Variants in PRELID3A observed in about 807,000 individuals in gnomAD.
PRELID3A encodes PRELI domain containing protein 3A.
In PRELID3A, 27 loss-of-function variants were observed where a neutral mutation model predicts 23.0. That is an observed-to-expected ratio of 1.17 (90% CI 0.87 to 1.62). PRELID3A has a LOEUF of 1.62. Ranked by LOEUF, PRELID3A falls within the 40% of genes most tolerant of loss-of-function variation. PRELID3A has a pLI of 0.00. For missense variants in PRELID3A, 231 were observed against 231.4 expected (o/e 1.00, Z 0.01); for synonymous variants, 87 against 86.4 (o/e 1.01, Z -0.04).
Position 12,420,513 on chromosome 18 carries a change from C to T in PRELID3A, c.201+20C>T, listed in dbSNP as rs1215462879. On this transcript the variant is annotated intron_variant, in intron 2 of 6. Coordinates refer to ENST00000440960, the MANE Select transcript of PRELID3A (RefSeq NM_001142405.2). ...AGAGCGGTGAGCGGGGCGGGGGCTG[C>T]GGCTCCGAACGCGCCCGACTCCCCC... The T allele has an allele frequency of 9.4e-6, 14 of 1,494,792 alleles. No individual in the cohort carries two copies. The highest frequency in any genetic ancestry group is 3.9e-5 in the South Asian group (3 of 76,746). 92.6% of individuals were successfully genotyped at this position (1,494,792 alleles called of 1,614,324 possible). A position where few individuals can be genotyped will look rare whatever the true frequency, so the allele number is the denominator to read the frequency against.
At chr18:12,418,806 T>C (rs1182190096) in intron 1 of PRELID3A, among the ~76,000 whole-genome samples, 1 of 152,056 alleles carries the variant, frequency 6.6e-6, no homozygotes, top group East Asian at 1.9e-4. Context: ...CCTTCAGACG[T>C]GTGTCTGACC....
intron 3 of PRELID3A, among the ~76,000 whole-genome samples, chr18:12,425,872 T>TGCA (rs2030342260): frequency 6.8e-6 from 1 of 148,134 alleles, no homozygotes; most frequent in Non-Finnish European, 1.5e-5. Context: ...ACCTGGAAGT[T>TGCA]GAGGATGCAG....
chr18:12,423,281 G>A (rs2030249307), intron 3 of PRELID3A, among the ~76,000 whole-genome samples: 1 of 152,192 alleles, frequency 6.6e-6, no homozygotes, highest in East Asian at 1.9e-4. Context: ...CGTGGTAAGA[G>A]GGAGCCACTG....
chr18:12,422,865 C>T (rs1415951749), intron 3 of PRELID3A, among the ~76,000 whole-genome samples: 1 of 152,196 alleles, frequency 6.6e-6, no homozygotes, highest in Non-Finnish European at 1.5e-5. Flanking sequence ...CCTCATCTGG[C>T]CTCACTTTTC....
At chr18:12,417,042 C>T (rs1043100907) in intron 1 of PRELID3A, among the ~76,000 whole-genome samples, 1 of 152,120 alleles carries the variant, frequency 6.6e-6, no homozygotes, top group Non-Finnish European at 1.5e-5. Context: ...TTATGTTTAT[C>T]ATTTTCCTCC....
At chr18:12,411,738 C>T (rs1291424626) in intron 1 of PRELID3A, among the ~76,000 whole-genome samples, 1 of 152,092 alleles carries the variant, frequency 6.6e-6, no homozygotes, top group Non-Finnish European at 1.5e-5. Flanking sequence ...TTGAACATTA[C>T]AGATGAGTTG....
At chr18:12,427,867 C>G (rs532471526) in intron 5 of PRELID3A, among the ~76,000 whole-genome samples, 2 of 152,088 alleles carry the variant, frequency 1.3e-5, no homozygotes, top group African/African-American at 4.8e-5. Flanking sequence ...AGTTACTCTT[C>G]TCAGTAGAGA....
At chr18:12,424,000 C>T (rs2030279045) in intron 3 of PRELID3A, among the ~76,000 whole-genome samples, 1 of 152,206 alleles carries the variant, frequency 6.6e-6, no homozygotes, top group Non-Finnish European at 1.5e-5. Flanking sequence ...GGGTGCATCC[C>T]TGTGTGCTGA....
At chr18:12,427,658 CT>C (rs2030425243) in intron 5 of PRELID3A, among the ~76,000 whole-genome samples, 1 of 151,428 alleles carries the variant, frequency 6.6e-6, no homozygotes, top group Non-Finnish European at 1.5e-5. Flanking sequence ...CACCACTGCA[CT>C]CCAGCCTGGG....
At chr18:12,416,585 GGGATTTAC>G (rs2029958586) in intron 1 of PRELID3A, among the ~76,000 whole-genome samples, 2 of 151,982 alleles carry the variant, frequency 1.3e-5, no homozygotes, top group Admixed American at 1.3e-4. Context: ...CCCAAGTGCT[GGGATTTAC>G]AGGCATGAGC....
chr18:12,420,337 C>G lies in PRELID3A; in HGVS notation c.45C>G (p.Asp15Glu). The G allele has an allele frequency of 6.2e-7, 1 of 1,609,492 alleles. No homozygotes were observed. The highest frequency in any genetic ancestry group is 1.3e-5 in the African/African-American group (1 of 75,020). Reference protein sequence around the residue: ...SSEHVFGHPWDTVIQAAMRKY... With the variant: ...SSEHVFGHPWETVIQAAMRKY... ...GCTCTCCCCGCAGCCACCCGTGGGA[C>G]ACGGTCATCCAGGCGGCCATGCGCA... Residue 15 changes from aspartate to glutamate, a missense_variant, in exon 2 of 7, where the codon GAC (aspartate) becomes GAG (glutamate). Physicochemically the swap from Asp to Glu is conservative, Grantham distance 45 (BLOSUM62 2). Transcript: ENST00000440960.
chr18:12,424,383 G>C (rs1342938062), intron 3 of PRELID3A, among the ~76,000 whole-genome samples: 2 of 152,200 alleles, frequency 1.3e-5, no homozygotes, highest in Non-Finnish European at 2.9e-5. Context: ...CATTTTCTGA[G>C]TCTCACATTT....
intron 3 of PRELID3A, among the ~76,000 whole-genome samples, chr18:12,423,409 C>T (rs11665158): frequency 6.6e-6 from 1 of 151,966 alleles, no homozygotes; most frequent in Non-Finnish European, 1.5e-5. Context: ...ACCAGTAGTC[C>T]GGGCAGGTAA....
intron 1 of PRELID3A, among the ~76,000 whole-genome samples, chr18:12,415,259 TA>T (rs1310711013): frequency 4.2e-4 from 63 of 151,406 alleles, no homozygotes; most frequent in Admixed American, 4.2e-3. Context: ...TTTTAATTTT[TA>T]TTTTTTTGTT....
intron 1 of PRELID3A, among the ~76,000 whole-genome samples, chr18:12,414,604 T>C (rs1160763974): frequency 6.6e-6 from 1 of 152,122 alleles, no homozygotes; most frequent in Non-Finnish European, 1.5e-5. Context: ...CTCATGCCTG[T>C]AGTCCTAGCT....
At chr18:12,419,037 A>T (rs1159953141) in intron 1 of PRELID3A, among the ~76,000 whole-genome samples, 1 of 152,076 alleles carries the variant, frequency 6.6e-6, no homozygotes, top group Non-Finnish European at 1.5e-5. Context: ...TAAAATAAAA[A>T]GTTGGGCTGG....
At chr18:12,412,376 C>T (rs1909947998) in intron 1 of PRELID3A, among the ~76,000 whole-genome samples, 1 of 151,442 alleles carries the variant, frequency 6.6e-6, no homozygotes, top group East Asian at 1.9e-4. Context: ...TTAGTAGAGA[C>T]GGGGTTTCGC....
At chr18:12,411,301 T>TAA (rs775153295) in intron 1 of PRELID3A, among the ~76,000 whole-genome samples, 1 of 132,256 alleles carries the variant, frequency 7.6e-6, no homozygotes, top group African/African-American at 2.8e-5. Context: ...TACTAAAAAA[T>TAA]AAAAAAAAAA....
At chr18:12,423,216 T>C (rs1433012008) in intron 3 of PRELID3A, among the ~76,000 whole-genome samples, 1 of 152,020 alleles carries the variant, frequency 6.6e-6, no homozygotes, top group African/African-American at 2.4e-5. Flanking sequence ...GGGAGGAGGC[T>C]GGAGAGGGGC....
Sources: gnomAD v4.1 joint callset for allele counts (sites outside exome capture counted in the v4.1 genomes callset) on GRCh38, gnomAD v4.1.1 for gene constraint, MANE v1.5 for transcripts, NCBI Gene and HGNC (gene_info 2026-07-23, HGNC 2026-07-21) for gene names.